TRAPPC9: variants seen among roughly 807,000 people sequenced by gnomAD.
TRAPPC9 encodes the protein trafficking protein particle complex subunit 9.
A neutral mutation model predicts 124.0 loss-of-function variants in TRAPPC9; 83 were observed. The observed-to-expected ratio is 0.67, with a 90% confidence interval of 0.56 to 0.80. TRAPPC9 has a LOEUF of 0.80. Among genes scored for constraint, TRAPPC9 ranks in the 30% least tolerant of loss-of-function variants. TRAPPC9 has a pLI of 0.00. For missense variants in TRAPPC9, 1,302 were observed against 1,508.3 expected, an observed-to-expected ratio of 0.86 and a Z score of 2.27; for synonymous variants, 638 against 617.5, an observed-to-expected ratio of 1.03 and a Z score of -0.49.
chr8:140,349,204 G>T (rs2067449756), intron 9 of TRAPPC9, among the ~76,000 whole-genome samples: 1 of 125,058 alleles, frequency 8.0e-6, no homozygotes, highest in East Asian at 2.2e-4. Flanking sequence ...AAGGAGGCGG[G>T]CGAGGGAAGG....
chr8:140,084,334 ATAT>A (rs757550948), intron 17 of TRAPPC9, among the ~76,000 whole-genome samples: 35 of 152,308 alleles, frequency 2.3e-4, no homozygotes, highest in Non-Finnish European at 4.1e-4. Context: ...GGTAATAAAA[ATAT>A]TATTAGTCTC....
intron 21 of TRAPPC9, among the ~76,000 whole-genome samples, chr8:139,748,255 G>A (rs192770881): frequency 2.6e-5 from 2 of 75,776 alleles, no homozygotes; most frequent in Non-Finnish European, 4.8e-5. Flanking sequence ...GTCAGAGCAG[G>A]TAGGGGGGGC....
intron 20 of TRAPPC9, among the ~76,000 whole-genome samples, chr8:139,892,746 T>C (rs938797519): frequency 6.6e-6 from 1 of 152,152 alleles, no homozygotes; most frequent in Non-Finnish European, 1.5e-5. Context: ...GCAGCTTGGG[T>C]ACTCCTCCAC....
chr8:140,458,135 AGAG>A, upstream of TRAPPC9: 2 of 1,408,024 alleles, frequency 1.4e-6, no homozygotes, highest in Admixed American at 4.3e-5. Context: ...GGAGGGAGGA[AGAG>A]GAGGAGGGAA....
chr8:139,830,414 CA>C (rs1300449740), intron 21 of TRAPPC9, among the ~76,000 whole-genome samples: 2 of 151,962 alleles, frequency 1.3e-5, no homozygotes, highest in African/African-American at 4.8e-5. Flanking sequence ...CATACACCTG[CA>C]AATGAGCATA....
At chr8:140,387,661 A>C (rs547100307) in intron 7 of TRAPPC9, among the ~76,000 whole-genome samples, 9 of 152,354 alleles carry the variant, frequency 5.9e-5, no homozygotes, top group Admixed American at 5.2e-4. Flanking sequence ...AATGCAAATC[A>C]AAACCACAAT....
At chr8:139,927,425 T>C (rs1832881632) in intron 19 of TRAPPC9, among the ~76,000 whole-genome samples, 1 of 152,158 alleles carries the variant, frequency 6.6e-6, no homozygotes, top group South Asian at 2.1e-4. Context: ...TTTTTATTTT[T>C]AGTAGAGATG....
chr8:140,014,593 C>T (rs1024592737), intron 18 of TRAPPC9, among the ~76,000 whole-genome samples: 2 of 152,080 alleles, frequency 1.3e-5, no homozygotes, highest in East Asian at 3.9e-4. Context: ...GTGCAGAGAC[C>T]AAGCTGCGGC....
intron 21 of TRAPPC9, among the ~76,000 whole-genome samples, chr8:139,865,291 C>T (rs182785960): frequency 6.6e-6 from 1 of 152,376 alleles, no homozygotes; most frequent in East Asian, 1.9e-4. Context: ...AGAAGACAGA[C>T]TTTCTCCTCA....
chr8:139,828,814 T>G (rs1161563626), intron 21 of TRAPPC9, among the ~76,000 whole-genome samples: 3 of 152,194 alleles, frequency 2.0e-5, no homozygotes, highest in Non-Finnish European at 4.4e-5. Context: ...GCCCAACGTC[T>G]GAATCTCAGC....
chr8:140,448,871 G>A (rs1413291619), intron 2 of TRAPPC9, among the ~76,000 whole-genome samples: 1 of 152,204 alleles, frequency 6.6e-6, no homozygotes, highest in Non-Finnish European at 1.5e-5. Context: ...TCTGCTGCTT[G>A]GTGGCTGCCC....
intron 5 of TRAPPC9, among the ~76,000 whole-genome samples, chr8:140,412,051 C>A (rs183070248): frequency 2.6e-3 from 402 of 152,278 alleles, no homozygotes; most frequent in African/African-American, 8.3e-3. Context: ...CAAACTATTT[C>A]CCACAAATTA....
intron 17 of TRAPPC9, among the ~76,000 whole-genome samples, chr8:140,109,535 G>A (rs2060725157): frequency 6.6e-6 from 1 of 152,056 alleles, no homozygotes; most frequent in Non-Finnish European, 1.5e-5. Context: ...CTAGCTGCAT[G>A]ACCTTGAAAA....
chr8:140,178,671 T>C (rs2062127771), intron 17 of TRAPPC9, among the ~76,000 whole-genome samples: 1 of 152,132 alleles, frequency 6.6e-6, no homozygotes, highest in Non-Finnish European at 1.5e-5. Flanking sequence ...CTCTACTTTC[T>C]GAAAGAATTT....
At chr8:140,062,974 G>A (rs1387400438) in intron 17 of TRAPPC9, among the ~76,000 whole-genome samples, 1 of 116,008 alleles carries the variant, frequency 8.6e-6, no homozygotes, top group Non-Finnish European at 2.1e-5. Context: ...GCATGCCTGG[G>A]GAAGCCTCAG....
chr8:140,174,735 T>G (rs1421136795), intron 17 of TRAPPC9, among the ~76,000 whole-genome samples: 1 of 152,216 alleles, frequency 6.6e-6, no homozygotes, highest in African/African-American at 2.4e-5. Flanking sequence ...TGTCAAAGCA[T>G]GGATCAGTAC....
chr8:140,430,581 A>G (rs2070604392), intron 4 of TRAPPC9, among the ~76,000 whole-genome samples: 1 of 152,244 alleles, frequency 6.6e-6, no homozygotes, highest in Admixed American at 6.5e-5. Context: ...CAGATCTTGG[A>G]CACACAGTAG....
chr8:139,856,687 G>C (rs1422442177), intron 21 of TRAPPC9, among the ~76,000 whole-genome samples: 1 of 151,284 alleles, frequency 6.6e-6, no homozygotes. Context: ...AATAGGACAG[G>C]CTTGCTTTCA....
intron 17 of TRAPPC9, among the ~76,000 whole-genome samples, chr8:140,025,406 ACAGAGAC>A (rs1473539604): frequency 6.6e-6 from 1 of 152,214 alleles, no homozygotes; most frequent in African/African-American, 2.4e-5. Context: ...AGAATACGCA[ACAGAGAC>A]CATATGCGGC....
Sources: allele counts gnomAD v4.1 joint callset (sites outside exome capture counted in the v4.1 genomes callset), GRCh38; gene constraint gnomAD v4.1.1; transcripts MANE v1.5; gene names NCBI Gene and HGNC (gene_info 2026-07-23, HGNC 2026-07-21).